PLCB1: variants seen among roughly 807,000 people sequenced by gnomAD.
PLCB1 encodes phospholipase C beta 1.
In PLCB1, 46 loss-of-function variants were observed where a neutral mutation model predicts 161.8. The observed-to-expected ratio is 0.28, with a 90% CI of 0.22 to 0.36. PLCB1 has a LOEUF of 0.36. PLCB1 is among the 10% of genes least tolerant of loss of function. PLCB1 has a pLI of 1.00. For synonymous variants in PLCB1, 517 were observed against 503.7 expected, an observed-to-expected ratio of 1.03 and a Z score of -0.35; for missense variants, 1,016 against 1,472.5, an observed-to-expected ratio of 0.69 and a Z score of 5.07.
chr20:8,277,821 T>C (rs1982656330), intron 2 of PLCB1, among the ~76,000 whole-genome samples: 1 of 152,168 alleles, frequency 6.6e-6, no homozygotes, highest in Non-Finnish European at 1.5e-5. Flanking sequence ...ACCAATGTTC[T>C]CTTCATAGAC....
intron 2 of PLCB1, among the ~76,000 whole-genome samples, chr20:8,346,723 A>G (rs1170258037): frequency 2.0e-5 from 3 of 152,154 alleles, no homozygotes; most frequent in African/African-American, 7.2e-5. Context: ...TTGAGTGAAA[A>G]GCCTCTCCCT....
intron 3 of PLCB1, among the ~76,000 whole-genome samples, chr20:8,517,589 C>T (rs1157933891): frequency 1.3e-5 from 2 of 152,172 alleles, no homozygotes; most frequent in Admixed American, 6.5e-5. Context: ...CCCCCAGTGA[C>T]CTCCACCTGG....
In PLCB1 at chr20:8,600,349, A is replaced by G. The variant is rs1239222655; in HGVS notation, c.247-27945A>G. ...GACCCTCAGCTACAGGTCAGTTGGA[A>G]TACCCTGCCGTGTGAGGTGTCAGTG... On this transcript the variant is annotated intron_variant, in intron 3 of 31. Coordinates refer to ENST00000338037, the MANE Select transcript of PLCB1 (RefSeq NM_015192.4). Among the ~76,000 whole-genome samples, 439 of 98,730 alleles carry G rather than the reference A, an allele frequency of 4.4e-3. 74 individuals carry two copies. The highest frequency in any genetic ancestry group is 0.012 in the East Asian group (41 of 3,550). 64.8% of individuals were successfully genotyped at this position (98,730 alleles called of 152,430 possible).
chr20:8,627,746 T>G (rs971854460), intron 3 of PLCB1, among the ~76,000 whole-genome samples: 3 of 152,204 alleles, frequency 2.0e-5, no homozygotes, highest in Non-Finnish European at 4.4e-5. Context: ...CCCAGTACAT[T>G]CCGAGGACAG....
intron 2 of PLCB1, among the ~76,000 whole-genome samples, chr20:8,357,819 A>G (rs1270311700): frequency 6.6e-6 from 1 of 152,160 alleles, no homozygotes; most frequent in Non-Finnish European, 1.5e-5. Context: ...CCAATTTAAT[A>G]TTTCAGAAAA....
chr20:8,301,144 G>C (rs1027460557), intron 2 of PLCB1, among the ~76,000 whole-genome samples: 27 of 152,102 alleles, frequency 1.8e-4, no homozygotes, highest in Admixed American at 3.9e-4. Context: ...AAACTCTACT[G>C]TATCCCTGAA....
chr20:8,662,400 T>C (rs1460486216), intron 9 of PLCB1, among the ~76,000 whole-genome samples: 2 of 131,606 alleles, frequency 1.5e-5, no homozygotes, highest in Non-Finnish European at 3.1e-5. Flanking sequence ...TTATTTATTA[T>C]ATAATTATGT....
intron 2 of PLCB1, among the ~76,000 whole-genome samples, chr20:8,262,887 G>A (rs148296593): frequency 3.3e-5 from 5 of 152,176 alleles, no homozygotes; most frequent in East Asian, 1.9e-4. Flanking sequence ...AGAAAGATTC[G>A]TCTTCCTCTT....
chr20:8,534,248 C>T (rs1370422576), intron 3 of PLCB1, among the ~76,000 whole-genome samples: 2 of 152,160 alleles, frequency 1.3e-5, no homozygotes, highest in Admixed American at 6.5e-5. Flanking sequence ...CAGGTACAGG[C>T]GCTGCCATGC....
At chr20:8,515,210 G>C (rs76480220) in intron 3 of PLCB1, among the ~76,000 whole-genome samples, 412 of 152,278 alleles carry the variant, frequency 2.7e-3, no homozygotes, top group Non-Finnish European at 3.9e-3. Context: ...TACTGTTTCT[G>C]TTCTAAACTG....
At chr20:8,292,792 T>C (rs1264657691) in intron 2 of PLCB1, among the ~76,000 whole-genome samples, 1 of 152,202 alleles carries the variant, frequency 6.6e-6, no homozygotes, top group Non-Finnish European at 1.5e-5. Flanking sequence ...TGTCCACAAC[T>C]ACAAAAAGAG....
At chr20:8,223,713 C>T (rs894542998) in intron 2 of PLCB1, among the ~76,000 whole-genome samples, 50 of 152,142 alleles carry the variant, frequency 3.3e-4, no homozygotes, top group African/African-American at 2.7e-4. Context: ...TTAAGAGTGA[C>T]TCAGTTCAAA....
intron 3 of PLCB1, among the ~76,000 whole-genome samples, chr20:8,499,146 G>A (rs547188973): frequency 2.0e-5 from 3 of 152,344 alleles, no homozygotes; most frequent in African/African-American, 7.2e-5. Context: ...TGAGCCGGAT[G>A]TGGTTTTCAT....
At chr20:8,790,315 A>C in intron 31 of PLCB1, 54 bp downstream of exon 31, 1 of 1,403,246 alleles carries the variant, frequency 7.1e-7, no homozygotes, top group Non-Finnish European at 9.9e-7. Flanking sequence ...TCCATTTAGT[A>C]AGAGTAAAAC....
chr20:8,285,735 A>G (rs1044604375), intron 2 of PLCB1, among the ~76,000 whole-genome samples: 1 of 152,156 alleles, frequency 6.6e-6, no homozygotes, highest in Non-Finnish European at 1.5e-5. Flanking sequence ...GCTGCTTCAT[A>G]AGATAGAGCA....
chr20:8,653,862 G>T (rs1989383164), intron 7 of PLCB1, among the ~76,000 whole-genome samples: 1 of 151,890 alleles, frequency 6.6e-6, no homozygotes, highest in Non-Finnish European at 1.5e-5. Flanking sequence ...CTCAACCCAG[G>T]ACCTTAGACA....
intron 2 of PLCB1, among the ~76,000 whole-genome samples, chr20:8,330,126 A>G (rs1985310782): frequency 6.6e-6 from 1 of 152,200 alleles, no homozygotes; most frequent in Non-Finnish European, 1.5e-5. Flanking sequence ...ATGGGGCCTT[A>G]AAATGAATGA....
intron 2 of PLCB1, 26 bp from the exon 3 acceptor site, chr20:8,371,356 A>G: frequency 6.4e-6 from 10 of 1,570,834 alleles, no homozygotes; most frequent in Non-Finnish European, 8.7e-6. Context: ...GTCGTTGCTT[A>G]ACGATTTCAC....
chr20:8,676,743 T>G (rs1268937906), intron 9 of PLCB1, among the ~76,000 whole-genome samples: 1 of 152,216 alleles, frequency 6.6e-6, no homozygotes, highest in Non-Finnish European at 1.5e-5. Flanking sequence ...AATCAGCTTT[T>G]TAGTCTGCCA....
Sources: gnomAD v4.1 joint callset for allele counts (sites outside exome capture counted in the v4.1 genomes callset) on GRCh38, gnomAD v4.1.1 for gene constraint, MANE v1.5 for transcripts, NCBI Gene and HGNC (gene_info 2026-07-23, HGNC 2026-07-21) for gene names.